The following CRACDL variants were observed in gnomAD, a reference collection of about 807,000 sequenced individuals.
CRACDL encodes CRACD like.
CRACDL carries 26 observed loss-of-function variants against 70.6 expected under a neutral mutation model. The ratio of observed to expected loss-of-function variants is 0.37; its 90% CI spans 0.27 to 0.51. CRACDL has a LOEUF of 0.51. Among genes scored for constraint, CRACDL ranks in the 20% least tolerant of loss-of-function variants. The pLI, the probability that CRACDL is intolerant of heterozygous loss-of-function variation, is 0.94. For synonymous variants in CRACDL, 618 were observed against 615.2 expected (o/e 1.00, Z -0.07); for missense variants, 1,283 against 1,376.9 (o/e 0.93, Z 1.08).
intron 1 of CRACDL, among the ~76,000 whole-genome samples, chr2:98,891,405 A>AAAAAAAAAAAAAT (rs1707977563): frequency 6.8e-6 from 1 of 147,966 alleles, no homozygotes; most frequent in African/African-American, 2.5e-5. Flanking sequence ...AAAAAAAAAA[A>AAAAAAAAAAAAAT]TCCAAACTTT....
intron 7 of CRACDL, among the ~76,000 whole-genome samples, chr2:98,803,563 T>C (rs917416317): frequency 5.9e-5 from 9 of 152,232 alleles, no homozygotes; most frequent in Non-Finnish European, 8.8e-5. Flanking sequence ...AAGCTTCCCA[T>C]AAATCAACAA....
intron 1 of CRACDL, among the ~76,000 whole-genome samples, chr2:98,865,619 T>C (rs1707103519): frequency 6.6e-6 from 1 of 152,092 alleles, no homozygotes; most frequent in South Asian, 2.1e-4. Flanking sequence ...GAATGTGAAA[T>C]GCTTGCAGAG....
At position 98,793,919 on chromosome 2, in the gene CRACDL, T is replaced by C. The variant is rs1309920406; in HGVS notation, c.*613A>G. On this transcript the variant is annotated 3_prime_UTR_variant, in exon 10 of 10. Transcript: ENST00000397899. ...AAGACACAGATGCCTAGTGGAAAAGTTTAAAAATTATTTTTGGAAACAGTC... is the reference window on the plus strand; with the variant it reads ...AAGACACAGATGCCTAGTGGAAAAGCTTAAAAATTATTTTTGGAAACAGTC... The C allele has an allele frequency of 6.6e-6, 1 of 152,650 alleles. No individual in the cohort carries two copies. Among genetic ancestry groups the C allele is most frequent in the Non-Finnish European group, 1.5e-5 (1 of 68,052 alleles). 9.5% of individuals were successfully genotyped at this position (152,650 alleles called of 1,614,324 possible).
Position 98,822,968 on chromosome 2 carries a change from G to GGA in CRACDL, c.1304_1305insTC (p.Lys437ArgfsTer63). 1 of 1,484,476 alleles carries GGA rather than the reference G, an allele frequency of 6.7e-7. No individual in the cohort carries two copies. The highest frequency in any genetic ancestry group is 8.9e-7 in the Non-Finnish European group (1 of 1,120,020). The allele number at this position is 1,484,476 out of a possible 1,614,324, so 92.0% of individuals were successfully genotyped here. On this transcript the variant is annotated frameshift_variant, in exon 7 of 10. Coordinates refer to ENST00000397899, the MANE Select transcript of CRACDL (RefSeq NM_207362.3). LOFTEE classifies it high-confidence loss of function. This position sits in a 1 kb window ranked among gnomAD's most constrained non-coding sequence, Gnocchi z 4.9. ...GCGGCGTCGGCTCCGCTTCCTTCGG[G>GGA]ACACTGCGTTCTGGCCCGTCGCGAG...
intron 9 of CRACDL, among the ~76,000 whole-genome samples, chr2:98,795,077 A>ATATATATATATATATTTTTTTTTT: frequency 1.7e-5 from 1 of 58,496 alleles, no homozygotes; most frequent in Admixed American, 2.2e-4. Context: ...ATATATATAT[A>ATATATATATATATATTTTTTTTTT]TTTTTTTTTT....
At chr2:98,832,615 T>C in intron 4 of CRACDL, 103 bp from the exon 5 acceptor site, 2 of 1,180,798 alleles carry the variant, frequency 1.7e-6, no homozygotes, top group Non-Finnish European at 2.4e-6. Context: ...TTCAGTATCT[T>C]GGTGTGGTGC....
intron 1 of CRACDL, among the ~76,000 whole-genome samples, chr2:98,866,450 C>T (rs1234962867): frequency 6.8e-6 from 1 of 147,182 alleles, no homozygotes; most frequent in Non-Finnish European, 1.5e-5. Flanking sequence ...GCAGTAACAC[C>T]TGATAGATGA....
At chr2:98,810,663 GTC>G (rs980343787) in intron 7 of CRACDL, among the ~76,000 whole-genome samples, 7 of 152,162 alleles carry the variant, frequency 4.6e-5, no homozygotes, top group African/African-American at 1.7e-4. Context: ...TGGAGAAATA[GTC>G]TCTATTCTGC....
chr2:98,806,484 A>G (rs898099243), intron 7 of CRACDL, among the ~76,000 whole-genome samples: 1 of 152,224 alleles, frequency 6.6e-6, no homozygotes, highest in African/African-American at 2.4e-5. Context: ...CAACCTCCAC[A>G]TCTCATAGTG....
At chr2:98,855,493 T>C (rs1706662846) in intron 1 of CRACDL, among the ~76,000 whole-genome samples, 1 of 152,176 alleles carries the variant, frequency 6.6e-6, no homozygotes, top group African/African-American at 2.4e-5. Flanking sequence ...TATGTAACTT[T>C]TCTGTAAATT....
At chr2:98,836,857 C>T (rs1358382510) in intron 3 of CRACDL, among the ~76,000 whole-genome samples, 1 of 152,022 alleles carries the variant, frequency 6.6e-6, no homozygotes, top group African/African-American at 2.4e-5. Flanking sequence ...CCGAGGCGGG[C>T]GGATCGCGAG....
intron 5 of CRACDL, among the ~76,000 whole-genome samples, chr2:98,828,094 G>A (rs1705384450): frequency 6.6e-6 from 1 of 152,292 alleles, no homozygotes. Flanking sequence ...TGGGACAAAG[G>A]GATGCTGGCA....
rs920568244 is a variant in CRACDL at position 98,903,651 on chromosome 2, G to A, written c.-11+32287C>T. 2.6e-5 allele frequency among the ~76,000 whole-genome samples: 4 copies of A among 152,058 alleles called. No individual in the cohort carries two copies. In the East Asian group the frequency reaches 7.7e-4, roughly 29 times the overall value. On this transcript the variant is annotated intron_variant, in intron 1 of 9. Transcript: ENST00000397899. ...AAGGAATAATTCTTTTTCCTAATGT[G>A]CCAATATACCAATGATGAAACCATT...
intron 1 of CRACDL, among the ~76,000 whole-genome samples, chr2:98,920,655 T>C (rs1708781321): frequency 1.3e-5 from 2 of 152,168 alleles, no homozygotes; most frequent in African/African-American, 2.4e-5. Flanking sequence ...CATACTTCCC[T>C]GCCTGTGGAA....
chr2:98,822,912 G>A lies in CRACDL; in HGVS notation c.1361C>T (p.Pro454Leu). ...PVLPDEEKGP[P>L]GPAPEPEREA... ...TCTCTCGGGCTCAGGCGCCGGCCCT[G>A]GGGGCCCCTTCTCCTCATCCGGGAG... Residue 454 changes from proline (P) to leucine (L), a missense_variant, in exon 7 of 10, where the codon CCA becomes CTA. By Grantham distance (98) the Pro-to-Leu change is moderately conservative. Around this residue, in one of 2 missense-constraint regions of CRACDL, gnomAD observed 921 missense variants for 881.9 expected, o/e 1.04. Coordinates refer to ENST00000397899, the MANE Select transcript of CRACDL (RefSeq NM_207362.3). This position sits in a 1 kb window ranked among gnomAD's most constrained non-coding sequence, Gnocchi z 4.9. The A allele has an allele frequency of 6.8e-7, 1 of 1,472,924 alleles. No homozygotes were observed. The highest frequency in any genetic ancestry group is 8.9e-7 in the Non-Finnish European group (1 of 1,121,954). The allele number at this position is 1,472,924 out of a possible 1,614,324, so 91.2% of individuals were successfully genotyped here.
chr2:98,855,180 T>G (rs1006626742), intron 1 of CRACDL, among the ~76,000 whole-genome samples: 5 of 151,764 alleles, frequency 3.3e-5, no homozygotes, highest in African/African-American at 1.2e-4. Context: ...CTTGGGAGGC[T>G]GAGGCAAGAG....
At chr2:98,847,751 CT>C (rs1180059004) in intron 1 of CRACDL, among the ~76,000 whole-genome samples, 1 of 152,214 alleles carries the variant, frequency 6.6e-6, no homozygotes, top group African/African-American at 2.4e-5. Context: ...CTATTTCTTA[CT>C]GTTAGGTATG....
chr2:98,883,443 G>C (rs1156664997), intron 1 of CRACDL, among the ~76,000 whole-genome samples: 2 of 152,242 alleles, frequency 1.3e-5, no homozygotes, highest in Admixed American at 1.3e-4. Flanking sequence ...ATGGCAGGCA[G>C]TCAGCCCTAG....
At chr2:98,892,034 C>T (rs1475653159) in intron 1 of CRACDL, among the ~76,000 whole-genome samples, 1 of 152,186 alleles carries the variant, frequency 6.6e-6, no homozygotes, top group Non-Finnish European at 1.5e-5. Context: ...AGAAGGTAGA[C>T]ACTACTCAAT....
Sources: gnomAD v4.1 joint callset for allele counts (sites outside exome capture counted in the v4.1 genomes callset) on GRCh38, gnomAD v4.1.1 for gene constraint, gnomAD v4.1.1 regional missense constraint, Gnocchi (gnomAD v3.1) non-coding constraint, MANE v1.5 for transcripts, NCBI Gene and HGNC (gene_info 2026-07-23, HGNC 2026-07-21) for gene names.